The following KMT5B variants were observed in gnomAD, a reference collection of about 807,000 sequenced individuals.
KMT5B encodes histone-lysine N-methyltransferase KMT5B.
A neutral mutation model predicts 83.2 loss-of-function variants in KMT5B; 10 were observed. The ratio of observed to expected loss-of-function variants is 0.12; its 90% confidence interval spans 0.07 to 0.20. The LOEUF is 0.20. Among genes scored for constraint, KMT5B ranks in the 10% least tolerant of loss-of-function variants. The probability of loss-of-function intolerance (pLI) is 1.00; values close to 1 mark genes in which losing one functional copy is unlikely to be tolerated. For missense variants in KMT5B, 753 were observed against 1,067.2 expected (o/e 0.71, Z 4.10); for synonymous variants, 349 against 388.8 (o/e 0.90, Z 1.20).
chr11:68,195,538 C>G (rs1858600086), intron 1 of KMT5B, among the ~76,000 whole-genome samples: 1 of 152,216 alleles, frequency 6.6e-6, no homozygotes, highest in African/African-American at 2.4e-5. Flanking sequence ...TTTAAGCACA[C>G]AGAAAGCACC....
intron 10 of KMT5B, among the ~76,000 whole-genome samples, chr11:68,159,468 G>T (rs1184795662): frequency 1.3e-5 from 2 of 152,188 alleles, no homozygotes; most frequent in African/African-American, 2.4e-5. Flanking sequence ...CGTGACACTG[G>T]CCCAAACGAA....
rs1279007173 is a variant in KMT5B, at chr11:68,167,202, TAAAC to T, written c.978-28_978-25del. 26 of 1,579,740 alleles carry T rather than the reference TAAAC, an allele frequency of 1.6e-5. No individual in the cohort carries two copies. The Admixed American group carries it at 4.2e-4, about 26-fold the overall frequency. ...GTCTGAAAGAGAAAATAGCACAGGT[TAAAC>T]AAATAGAACACACTTTCTTATAATA... On this transcript the variant is annotated intron_variant, in intron 9 of 10. Transcript: ENST00000304363.
chr11:68,188,845 C>T (rs1386041794), intron 2 of KMT5B, among the ~76,000 whole-genome samples: 2 of 152,168 alleles, frequency 1.3e-5, no homozygotes, highest in African/African-American at 4.8e-5. Flanking sequence ...ACACTAGCTG[C>T]TAAGGAGTGA....
chr11:68,170,789 A>G (rs1241389766), intron 9 of KMT5B, among the ~76,000 whole-genome samples: 1 of 152,154 alleles, frequency 6.6e-6, no homozygotes, highest in Non-Finnish European at 1.5e-5. Context: ...AGCTGGTAAT[A>G]TTAAGATTTT....
intron 1 of KMT5B, among the ~76,000 whole-genome samples, chr11:68,209,383 T>A (rs1860581011): frequency 6.6e-6 from 1 of 151,898 alleles, no homozygotes; most frequent in Non-Finnish European, 1.5e-5. Context: ...AGTCGTTGAG[T>A]CAGGGAAGAA....
At chr11:68,212,835 A>G (rs1465126362) in intron 1 of KMT5B, 4 of 151,476 alleles carry the variant, frequency 2.6e-5, no homozygotes, top group East Asian at 1.9e-4. Context: ...GAGTCCCCCA[A>G]TCGCGAGCGG....
chr11:68,195,364 G>T (rs1162698496), intron 1 of KMT5B, among the ~76,000 whole-genome samples: 2 of 152,144 alleles, frequency 1.3e-5, no homozygotes, highest in Non-Finnish European at 2.9e-5. Context: ...AAGTGAAGCT[G>T]ATCATATTTT....
chr11:68,157,569 A>G lies in KMT5B; in HGVS notation c.*119T>C. On this transcript the variant is annotated 3_prime_UTR_variant, in exon 11 of 11. Transcript: ENST00000304363. ...TATGCTGTACACTTTCTACAATAGT[A>G]TGCTGATAAGTGAAGGGACAATAGA... 2 of 1,396,446 alleles carry G rather than the reference A, an allele frequency of 1.4e-6. No individual in the cohort carries two copies. The highest frequency in any genetic ancestry group is 1.7e-5 in the South Asian group (1 of 57,362). The allele number at this position is 1,396,446 out of a possible 1,614,324, so 86.5% of individuals were successfully genotyped here.
At chr11:68,198,267 C>G (rs1858960498) in intron 1 of KMT5B, among the ~76,000 whole-genome samples, 2 of 152,088 alleles carry the variant, frequency 1.3e-5, no homozygotes, top group South Asian at 4.1e-4. Context: ...GCCTGTAATC[C>G]CAGCTACTTG....
intron 5 of KMT5B, 124 bp from the exon 6 acceptor site, chr11:68,174,037 A>G: frequency 1.4e-6 from 1 of 723,108 alleles, no homozygotes; most frequent in South Asian, 1.5e-5. Flanking sequence ...TGAGCAACAT[A>G]GCGAGACCCT....
In KMT5B at chr11:68,210,049, T is replaced by C. The variant is rs184466913; in HGVS notation, c.-77+3089A>G. 2.4e-3 allele frequency among the ~76,000 whole-genome samples: 363 copies of C among 152,254 alleles called. 2 individuals are homozygous for C. The highest frequency in any genetic ancestry group is 7.9e-3 in the African/African-American group (330 of 41,550). On this transcript the variant is annotated intron_variant, in intron 1 of 10. Coordinates refer to ENST00000304363, the MANE Select transcript of KMT5B (RefSeq NM_017635.5). ...TTTTAGTAGAGACGGGGTTTCACCG[T>C]GTTAGCCAAGATGATCTCAATTCCT... is the stretch of plus-strand genomic sequence containing the variant.
chr11:68,166,029 G>C, intron 10 of KMT5B: 3 of 1,610,266 alleles, frequency 1.9e-6, no homozygotes, highest in Non-Finnish European at 2.5e-6. Context: ...CAGTATCTCA[G>C]AGGGCTCTAA....
At chr11:68,204,288 G>T (rs1231515553) in intron 1 of KMT5B, among the ~76,000 whole-genome samples, 8 of 152,182 alleles carry the variant, frequency 5.3e-5, no homozygotes. Context: ...GCCTGTGAAT[G>T]CTACCTTATA....
At chr11:68,182,920 A>G (rs762289064) in intron 3 of KMT5B, among the ~76,000 whole-genome samples, 1 of 151,564 alleles carries the variant, frequency 6.6e-6, no homozygotes, top group Non-Finnish European at 1.5e-5. Flanking sequence ...TATTTTTAGT[A>G]GAGACGGGGT....
chr11:68,164,471 T>C (rs972669194), intron 10 of KMT5B, among the ~76,000 whole-genome samples: 3 of 152,218 alleles, frequency 2.0e-5, no homozygotes, highest in African/African-American at 7.2e-5. Flanking sequence ...GTGGAGGGGA[T>C]GGCTGAGACA....
intron 10 of KMT5B, among the ~76,000 whole-genome samples, chr11:68,165,034 T>C (rs1855190984): frequency 1.3e-5 from 2 of 152,226 alleles, no homozygotes; most frequent in African/African-American, 4.8e-5. Flanking sequence ...CAAAAATTAT[T>C]TGTATTCTTA....
At chr11:68,187,168 T>C (rs571185085) in intron 2 of KMT5B, among the ~76,000 whole-genome samples, 1 of 152,160 alleles carries the variant, frequency 6.6e-6, no homozygotes, top group East Asian at 1.9e-4. Context: ...GGTTAATTTT[T>C]GTATTTTTTT....
intron 4 of KMT5B, 108 bp downstream of exon 4, chr11:68,180,024 A>G (rs1856761727): frequency 7.6e-6 from 10 of 1,316,300 alleles, no homozygotes; most frequent in Non-Finnish European, 1.0e-5. Flanking sequence ...AAAATGTTCT[A>G]AAACTCTAAT....
In KMT5B at chr11:68,180,595, T is replaced by A. The variant is rs145739717; in HGVS notation, c.309-395A>T. Among the ~76,000 whole-genome samples the A allele has an allele frequency of 2.2e-3, 335 of 152,324 alleles. 2 individuals carry two copies. Among genetic ancestry groups the A allele is most frequent in the Admixed American group, 8.0e-3 (122 of 15,294 alleles). On this transcript the variant is annotated intron_variant, in intron 3 of 10. Coordinates refer to ENST00000304363, the MANE Select transcript of KMT5B (RefSeq NM_017635.5). ...TGAGTAAGGACTGTACAGGCTGACA[T>A]TCTGATTAGAAAACCAAGAAAAGTT...
Sources: allele counts gnomAD v4.1 joint callset (sites outside exome capture counted in the v4.1 genomes callset), GRCh38; gene constraint gnomAD v4.1.1; transcripts MANE v1.5; gene names NCBI Gene and HGNC (gene_info 2026-07-23, HGNC 2026-07-21).